HES5: variants seen among roughly 807,000 people sequenced by gnomAD.
The protein encoded by HES5 is hes family bHLH transcription factor 5.
In HES5, 12 loss-of-function variants were observed where a neutral mutation model predicts 9.6. The ratio of observed to expected loss-of-function variants is 1.25; its 90% CI spans 0.80 to 2.03. The LOEUF is 2.03. HES5 is among the 30% of genes most tolerant of loss of function. The pLI, the probability that HES5 is intolerant of heterozygous loss-of-function variation, is 0.00. For missense variants in HES5, 255 were observed against 218.6 expected (o/e 1.17, Z -1.05); for synonymous variants, 131 against 102.4 (o/e 1.28, Z -1.69).
chr1:2,529,731 C>CCGG lies in HES5; in HGVS notation c.236_238dup (p.Ala79dup). Reference sequence around the variant, plus strand: ...GTAGTCCTGGTGCAGGCTCTTGGGGCCGGCGGCGGCGACGAAGGCTGCGGG... The same window carrying CCGG: ...GTAGTCCTGGTGCAGGCTCTTGGGGCCGGCGGCGGCGGCGACGAAGGCTGCGGG... On this transcript the variant is annotated inframe_insertion, in exon 3 of 3. Coordinates refer to ENST00000378453, the MANE Select transcript of HES5 (RefSeq NM_001010926.4). This position sits in a 1 kb window ranked among gnomAD's most constrained non-coding sequence, Gnocchi z 4.5. 8.0e-7 allele frequency: 1 copy of CCGG among 1,246,614 alleles called. No homozygotes were observed. Among genetic ancestry groups the CCGG allele is most frequent in the Non-Finnish European group, 1.0e-6 (1 of 985,394 alleles). The allele number at this position is 1,246,614 out of a possible 1,614,324, so 77.2% of individuals were successfully genotyped here.
chr1:2,529,916 G>C lies in HES5; in HGVS notation c.150C>G (p.His50Gln), dbSNP rs573666488. ...KLLLEQEFAR[H>Q]QPNSKLEKAD... ...CCTTCTCCAGCTTGGAGTTGGGCTG[G>C]TGCCGCGCGAACTCCTGCTCCAGCA... is the stretch of plus-strand genomic sequence containing the variant. The change falls in exon 2 of 3, where the codon CAC becomes CAG. Residue 50 changes from histidine (H) to glutamine (Q), a missense_variant. By Grantham distance (24) the His-to-Gln change is conservative. Transcript: ENST00000378453. The surrounding 1 kb of genome is among the most constrained non-coding windows in gnomAD (Gnocchi z 4.5). 1.9e-6 allele frequency: 3 copies of C among 1,607,258 alleles called. No individual in the cohort carries two copies. The highest frequency in any genetic ancestry group is 2.5e-6 in the Non-Finnish European group (3 of 1,177,398).
chr1:2,530,055 G>T (rs1230151717), intron 1 of HES5, 44 bp from the exon 2 acceptor site: 10 of 1,600,156 alleles, frequency 6.2e-6, no homozygotes, highest in Non-Finnish European at 7.7e-6. Context: ...ACGGCGCAGG[G>T]ACCCCCGAGG....
At position 2,530,132 on chromosome 1, in the gene HES5, G is replaced by A. The variant is rs150791867; in HGVS notation, c.33C>T (p.Leu11=). The A allele has an allele frequency of 2.0e-3, 3,088 of 1,554,036 alleles. 50 individuals carry two copies. In the African/African-American group the frequency reaches 0.034, roughly 17 times the overall value. ...TTACTCGGTTTTTCTCTTTGGGGCT[G>A]AGCAGCTCCACGGCCACAGTGCTGG... MAPSTVAVEL[L]SPKEKNRLRK... The change falls in exon 1 of 3, where the codon CTC becomes CTT. Residue 11 remains leucine (L), a synonymous_variant. Transcript: ENST00000378453.
rs543361171 is a variant in HES5 at position 2,529,257 on chromosome 1, T to G, written c.*212A>C. 32 of 250,052 alleles carry G rather than the reference T, an allele frequency of 1.3e-4. No individual in the cohort carries two copies. Among genetic ancestry groups the G allele is most frequent in the African/African-American group, 7.1e-4 (31 of 43,424 alleles). 15.5% of individuals were successfully genotyped at this position (250,052 alleles called of 1,614,324 possible). ...ATGGGGTCAGACACTTGGCAGAAGA[T>G]GGGCCCTGATTGTCCTAAAACGGCA... On this transcript the variant is annotated 3_prime_UTR_variant, in exon 3 of 3. Coordinates refer to ENST00000378453, the MANE Select transcript of HES5 (RefSeq NM_001010926.4). This position sits in a 1 kb window ranked among gnomAD's most constrained non-coding sequence, Gnocchi z 4.5.
rs907745467 is a variant in HES5, at chr1:2,529,063, C to CA, written c.*405dup. 4 of 152,592 alleles carry CA rather than the reference C, an allele frequency of 2.6e-5. No individual in the cohort carries two copies. Among genetic ancestry groups the CA allele is most frequent in the African/African-American group, 9.6e-5 (4 of 41,472 alleles). The allele number at this position is 152,592 out of a possible 1,614,324, so 9.5% of individuals were successfully genotyped here. A position where few individuals can be genotyped will look rare whatever the true frequency, so the allele number is the denominator to read the frequency against. On this transcript the variant is annotated 3_prime_UTR_variant, in exon 3 of 3. Coordinates refer to ENST00000378453, the MANE Select transcript of HES5 (RefSeq NM_001010926.4). The surrounding 1 kb of genome is among the most constrained non-coding windows in gnomAD (Gnocchi z 4.5). The stretch of plus-strand genomic sequence containing the variant: ...TCACAAAAGGCAAATGTGCCCGCGG[C>CA]ACAGCCCGCCTGCCAGGGGTACGCC...
At position 2,529,426 on chromosome 1, in the gene HES5, C is replaced by A; in HGVS notation, c.*43G>T. 1 of 1,070,506 alleles carries A rather than the reference C, an allele frequency of 9.3e-7. No homozygotes were observed. Among genetic ancestry groups the A allele is most frequent in the Non-Finnish European group, 1.1e-6 (1 of 884,988 alleles). The allele number at this position is 1,070,506 out of a possible 1,614,324, so 66.3% of individuals were successfully genotyped here. ...TCCCTACAGGCGAGAGGAGCAGGCT[C>A]GCCCTCTGGTCGTCGGGCCGCGCGC... is the stretch of plus-strand genomic sequence containing the variant. On this transcript the variant is annotated 3_prime_UTR_variant, in exon 3 of 3. Coordinates refer to ENST00000378453, the MANE Select transcript of HES5 (RefSeq NM_001010926.4). The surrounding 1 kb of genome is among the most constrained non-coding windows in gnomAD (Gnocchi z 4.5).
In HES5 at chr1:2,530,027, G is replaced by A. The variant is rs1476760057; in HGVS notation, c.55-16C>T. 2 of 1,603,106 alleles carry A rather than the reference G, an allele frequency of 1.2e-6. No homozygotes were observed. Among genetic ancestry groups the A allele is most frequent in the African/African-American group, 1.3e-5 (1 of 74,684 alleles). The stretch of plus-strand genomic sequence containing the variant: ...GCTTCCGCAGCTGCGGGAGGAGGGG[G>A]TGTCAGGCTGGCCCGGCACGGCGCA... On this transcript the variant is annotated splice_polypyrimidine_tract_variant and intron_variant, in intron 1 of 2. Transcript: ENST00000378453.
rs1188770423 is a variant in HES5 at position 2,529,244 on chromosome 1, ACT to A, written c.*223_*224del. The A allele has an allele frequency of 8.9e-6, 2 of 225,136 alleles. No homozygotes were observed. The highest frequency in any genetic ancestry group is 1.5e-5 in the Non-Finnish European group (2 of 132,566). The allele number at this position is 225,136 out of a possible 1,614,324, so 13.9% of individuals were successfully genotyped here. A position where few individuals can be genotyped will look rare whatever the true frequency, so the allele number is the denominator to read the frequency against. On this transcript the variant is annotated 3_prime_UTR_variant, in exon 3 of 3. Transcript: ENST00000378453. This position sits in a 1 kb window ranked among gnomAD's most constrained non-coding sequence, Gnocchi z 4.5. ...ACAGAACAACCCCATGGGGTCAGAC[ACT>A]TGGCAGAAGATGGGCCCTGATTGTC...
At chr1:2,530,069 G>A (rs1020896309) in intron 1 of HES5, 42 bp downstream of exon 1, 2 of 1,598,436 alleles carry the variant, frequency 1.3e-6, no homozygotes, top group Non-Finnish European at 8.5e-7. Context: ...CCCGAGGACC[G>A]GAGGCCGCGG....
rs1643981839 is a variant in HES5, at chr1:2,529,802, G to C, written c.220+44C>G. 12 of 1,309,754 alleles carry C rather than the reference G, an allele frequency of 9.2e-6. No homozygotes were observed. Among genetic ancestry groups the C allele is most frequent in the Non-Finnish European group, 1.2e-5 (12 of 1,019,152 alleles). 81.1% of individuals were successfully genotyped at this position (1,309,754 alleles called of 1,614,324 possible). On this transcript the variant is annotated intron_variant, in intron 2 of 2. Transcript: ENST00000378453. The surrounding 1 kb of genome is among the most constrained non-coding windows in gnomAD (Gnocchi z 4.5). ...GGGCGGCGGGGCGCGGGGGAGCCGG[G>C]GCGCGGTGGGAACTCGGGGCGCGGG...
rs896087687 is a variant in HES5, at chr1:2,529,743, A to C, written c.227T>G (p.Val76Gly). Residue 76 changes from valine to glycine, a missense_variant, in exon 3 of 3, where the codon GTC becomes GGC. By Grantham distance (109) the Val-to-Gly change is moderately radical. Coordinates refer to ENST00000378453, the MANE Select transcript of HES5 (RefSeq NM_001010926.4). The surrounding 1 kb of genome is among the most constrained non-coding windows in gnomAD (Gnocchi z 4.5). ...CAGGCTCTTGGGGCCGGCGGCGGCG[A>C]CGAAGGCTGCGGGGAGACGCGGCGG... is the stretch of plus-strand genomic sequence containing the variant. ...VSYLKHSKAF[V>G]AAAGPKSLHQ... 3 of 1,242,162 alleles carry C rather than the reference A, an allele frequency of 2.4e-6. No individual in the cohort carries two copies. The highest frequency in any genetic ancestry group is 3.0e-6 in the Non-Finnish European group (3 of 984,608). The allele number at this position is 1,242,162 out of a possible 1,614,324, so 76.9% of individuals were successfully genotyped here. A position where few individuals can be genotyped will look rare whatever the true frequency, so the allele number is the denominator to read the frequency against.
Position 2,530,018 on chromosome 1 carries a change from G to C in HES5, c.55-7C>G. ...CCACCACCGGCTTCCGCAGCTGCGGGAGGAGGGGGTGTCAGGCTGGCCCGG... is the reference window on the plus strand; with the variant it reads ...CCACCACCGGCTTCCGCAGCTGCGGCAGGAGGGGGTGTCAGGCTGGCCCGG... On this transcript the variant is annotated splice_region_variant and splice_polypyrimidine_tract_variant and intron_variant, in intron 1 of 2. Transcript: ENST00000378453. The C allele has an allele frequency of 6.2e-7, 1 of 1,604,034 alleles. No individual in the cohort carries two copies. The highest frequency in any genetic ancestry group is 8.5e-7 in the Non-Finnish European group (1 of 1,174,308).
Position 2,529,912 on chromosome 1 carries a change from G to A in HES5, c.154C>T (p.Pro52Ser), listed in dbSNP as rs762230250. ...TCGGCCTTCTCCAGCTTGGAGTTGGGCTGGTGCCGCGCGAACTCCTGCTCC... is the reference window on the plus strand; with the variant it reads ...TCGGCCTTCTCCAGCTTGGAGTTGGACTGGTGCCGCGCGAACTCCTGCTCC... ...LLEQEFARHQ[P>S]NSKLEKADIL... is the part of the protein sequence containing the mutation. Residue 52 changes from proline (P) to serine (S), a missense_variant, in exon 2 of 3, where the codon CCC becomes TCC. Coordinates refer to ENST00000378453, the MANE Select transcript of HES5 (RefSeq NM_001010926.4). This position sits in a 1 kb window ranked among gnomAD's most constrained non-coding sequence, Gnocchi z 4.5. 112 of 1,607,042 alleles carry A rather than the reference G, an allele frequency of 7.0e-5. No individual in the cohort carries two copies. In the Admixed American group the frequency reaches 1.8e-3, roughly 26 times the overall value.
chr1:2,529,841 C>G lies in HES5; in HGVS notation c.220+5G>C. ...TCGGGGCGCGGGGGGCCCGGGCGCG[C>G]TCACCTTTGCTGTGCTTCAGGTAGC... is the stretch of plus-strand genomic sequence containing the variant. On this transcript the variant is annotated splice_donor_5th_base_variant and intron_variant, in intron 2 of 2. Coordinates refer to ENST00000378453, the MANE Select transcript of HES5 (RefSeq NM_001010926.4). The surrounding 1 kb of genome is among the most constrained non-coding windows in gnomAD (Gnocchi z 4.5). 2 of 1,464,186 alleles carry G rather than the reference C, an allele frequency of 1.4e-6. No homozygotes were observed. The highest frequency in any genetic ancestry group is 9.1e-7 in the Non-Finnish European group (1 of 1,095,488). 90.7% of individuals were successfully genotyped at this position (1,464,186 alleles called of 1,614,324 possible).
chr1:2,529,465 C>T lies in HES5; in HGVS notation c.*4G>A, dbSNP rs1330226789. 4 of 1,060,872 alleles carry T rather than the reference C, an allele frequency of 3.8e-6. No homozygotes were observed. Among genetic ancestry groups the T allele is most frequent in the East Asian group, 6.2e-5 (1 of 16,134 alleles). 65.7% of individuals were successfully genotyped at this position (1,060,872 alleles called of 1,614,324 possible). A position where few individuals can be genotyped will look rare whatever the true frequency, so the allele number is the denominator to read the frequency against. ...CGGGCCGCGCGCCCGCAGGTCCCGC[C>T]GGGTCACCAGGGCCGCCAGAGGCCG... is the stretch of plus-strand genomic sequence containing the variant. On this transcript the variant is annotated 3_prime_UTR_variant, in exon 3 of 3. Transcript: ENST00000378453. The surrounding 1 kb of genome is among the most constrained non-coding windows in gnomAD (Gnocchi z 4.5).
In HES5 at chr1:2,530,106, C is replaced by T. The variant is rs1472045600; in HGVS notation, c.54+5G>A. 6.3e-6 allele frequency: 10 copies of T among 1,580,436 alleles called. No individual in the cohort carries two copies. Among genetic ancestry groups the T allele is most frequent in the Non-Finnish European group, 7.7e-6 (9 of 1,163,994 alleles). ...GACAGCGCGCCGGGCGAGTCTGGTA[C>T]TTACTCGGTTTTTCTCTTTGGGGCT... On this transcript the variant is annotated splice_donor_5th_base_variant and intron_variant, in intron 1 of 2. Transcript: ENST00000378453.
Position 2,530,188 on chromosome 1 carries a change from G to C in HES5, c.-24C>G. On this transcript the variant is annotated 5_prime_UTR_variant, in exon 1 of 3. Transcript: ENST00000378453. ...ATGCCTGGCGCGGAACAGGCGACGA[G>C]GCGACGCGGGGAGGCCGGGCGAGAC... 1.4e-6 allele frequency: 2 copies of C among 1,470,080 alleles called. No individual in the cohort carries two copies. The highest frequency in any genetic ancestry group is 1.8e-6 in the Non-Finnish European group (2 of 1,105,328). 91.1% of individuals were successfully genotyped at this position (1,470,080 alleles called of 1,614,324 possible).
rs559739405 is a variant in HES5, at chr1:2,529,505, CGCGGCGGCG to C, written c.456_464del (p.Ala153_Ala155del). 2.8e-6 allele frequency: 3 copies of C among 1,056,208 alleles called. No individual in the cohort carries two copies. The highest frequency in any genetic ancestry group is 5.6e-5 in the Admixed American group (1 of 17,866). The allele number at this position is 1,056,208 out of a possible 1,614,324, so 65.4% of individuals were successfully genotyped here. A position where few individuals can be genotyped will look rare whatever the true frequency, so the allele number is the denominator to read the frequency against. ...GCCAGAGGCCGCAGGCGGGCTGGTG[CGCGGCGGCG>C]GCGGCGGCGGTGGCCTTGGCGGAGA... is the stretch of plus-strand genomic sequence containing the variant. On this transcript the variant is annotated inframe_deletion, in exon 3 of 3. Coordinates refer to ENST00000378453, the MANE Select transcript of HES5 (RefSeq NM_001010926.4). The surrounding 1 kb of genome is among the most constrained non-coding windows in gnomAD (Gnocchi z 4.5).
In HES5 at chr1:2,530,096, G is replaced by C; in HGVS notation, c.54+15C>G. ...AGGCCGCGGGGACAGCGCGCCGGGC[G>C]AGTCTGGTACTTACTCGGTTTTTCT... On this transcript the variant is annotated intron_variant, in intron 1 of 2. Transcript: ENST00000378453. The C allele has an allele frequency of 6.3e-7, 1 of 1,588,352 alleles. No homozygotes were observed. The highest frequency in any genetic ancestry group is 8.6e-7 in the Non-Finnish European group (1 of 1,168,016).
Sources: allele counts gnomAD v4.1 joint callset, GRCh38; gene constraint gnomAD v4.1.1; non-coding constraint Gnocchi (gnomAD v3.1); transcripts MANE v1.5; gene names NCBI Gene and HGNC (gene_info 2026-07-23, HGNC 2026-07-21).